The following CCSER1 variants were observed in gnomAD, a reference collection of about 807,000 sequenced individuals.
The protein encoded by CCSER1 is coiled-coil serine rich protein 1, also known as serine-rich coiled-coil domain-containing protein 1.
In CCSER1, 41 loss-of-function variants were observed where a neutral mutation model predicts 82.0. That is an observed-to-expected ratio of 0.50 (90% CI 0.39 to 0.65). The LOEUF (loss-of-function observed/expected upper bound fraction) is 0.65. CCSER1 is among the 30% of genes least tolerant of loss of function. The pLI is 0.00. For missense variants in CCSER1, 1,119 were observed against 1,064.2 expected (o/e 1.05, Z -0.72); for synonymous variants, 414 against 383.9 (o/e 1.08, Z -0.92).
chr4:90,535,956 T>C (rs1267207929), intron 5 of CCSER1, among the ~76,000 whole-genome samples: 1 of 152,052 alleles, frequency 6.6e-6, no homozygotes, highest in Non-Finnish European at 1.5e-5. Context: ...ATGTCTTGAC[T>C]ATAATATGCC....
chr4:90,413,799 A>G (rs1755278102), intron 4 of CCSER1, among the ~76,000 whole-genome samples: 1 of 149,842 alleles, frequency 6.7e-6, no homozygotes, highest in Non-Finnish European at 1.5e-5. Context: ...AAAAAAAAAA[A>G]TTAGCCGCGC....
At chr4:91,191,831 C>A (rs763216829) in intron 10 of CCSER1, among the ~76,000 whole-genome samples, 3 of 152,190 alleles carry the variant, frequency 2.0e-5, no homozygotes, top group Non-Finnish European at 4.4e-5. Context: ...CCAGTCTTTT[C>A]AATTCTGATA....
chr4:90,294,836 C>T (rs1353459340), intron 1 of CCSER1, among the ~76,000 whole-genome samples: 3 of 151,826 alleles, frequency 2.0e-5, no homozygotes, highest in Non-Finnish European at 4.4e-5. Context: ...CTTTGAAGTA[C>T]ATCCTTCAAG....
intron 1 of CCSER1, among the ~76,000 whole-genome samples, chr4:90,276,348 CTT>C (rs1219049059): frequency 4.7e-4 from 43 of 91,478 alleles, no homozygotes; most frequent in African/African-American, 1.9e-3. Flanking sequence ...TTCTTTCTTT[CTT>C]TTTTTTTTTT....
chr4:91,459,162 T>C (rs932402199), intron 10 of CCSER1, among the ~76,000 whole-genome samples: 7 of 152,078 alleles, frequency 4.6e-5, no homozygotes, highest in Non-Finnish European at 1.0e-4. Context: ...AGAAATTCTA[T>C]AGTGAAAAAG....
chr4:90,332,803 C>G (rs1422646689), intron 3 of CCSER1, among the ~76,000 whole-genome samples: 1 of 152,102 alleles, frequency 6.6e-6, no homozygotes, highest in African/African-American at 2.4e-5. Flanking sequence ...TCTCTTACAT[C>G]AGAAAGTAAG....
At chr4:90,935,899 T>G (rs1251994806) in intron 9 of CCSER1, among the ~76,000 whole-genome samples, 2 of 152,192 alleles carry the variant, frequency 1.3e-5, no homozygotes, top group African/African-American at 4.8e-5. Flanking sequence ...CCAGAAAGCT[T>G]GGTATAGTGA....
At chr4:91,229,388 C>T (rs776497822) in intron 10 of CCSER1, among the ~76,000 whole-genome samples, 6 of 150,736 alleles carry the variant, frequency 4.0e-5, no homozygotes, top group Admixed American at 2.7e-4. Context: ...GGGGAATTTG[C>T]GGAGAATTCT....
Position 91,598,875 on chromosome 4 carries a change from A to G in CCSER1, c.2521A>G (p.Thr841Ala), listed in dbSNP as rs534372336. ...AACAGCTAAGACAGAAGGGCTCTCC[A>G]CGTTCTTAGAGAAACCAAAGGACCA... The part of the protein sequence containing the change: ...KPTAKTEGLS[T>A]FLEKPKDQVA... The change falls in exon 11 of 11, where the codon ACG (threonine) becomes GCG (alanine). Residue 841 changes from threonine (T) to alanine (A), a missense_variant. Coordinates refer to ENST00000509176, the MANE Select transcript of CCSER1 (RefSeq NM_001145065.2). 6 of 1,551,638 alleles carry G rather than the reference A, an allele frequency of 3.9e-6. No individual in the cohort carries two copies. The Admixed American group carries it at 9.8e-5, about 25-fold the overall frequency.
At chr4:90,396,646 A>G (rs183146185) in intron 3 of CCSER1, among the ~76,000 whole-genome samples, 142 of 151,908 alleles carry the variant, frequency 9.3e-4, no homozygotes, top group African/African-American at 3.2e-3. Context: ...CTTTTTTTTC[A>G]TGCTCATATT....
At chr4:91,475,386 G>A (rs1051869505) in intron 10 of CCSER1, among the ~76,000 whole-genome samples, 3 of 151,782 alleles carry the variant, frequency 2.0e-5, no homozygotes, top group Non-Finnish European at 3.0e-5. Flanking sequence ...GATATGGTAC[G>A]AAGGCGCACA....
intron 10 of CCSER1, among the ~76,000 whole-genome samples, chr4:91,576,863 A>G (rs1326214069): frequency 3.3e-5 from 5 of 151,958 alleles, no homozygotes; most frequent in Non-Finnish European, 4.4e-5. Flanking sequence ...CTTAACCTAT[A>G]TTTTCAGCAC....
intron 9 of CCSER1, among the ~76,000 whole-genome samples, chr4:91,073,417 C>A (rs1025985599): frequency 3.9e-5 from 6 of 152,098 alleles, no homozygotes; most frequent in Non-Finnish European, 5.9e-5. Context: ...TGAATTAGTG[C>A]AGTTTTTAAG....
chr4:91,425,138 A>C (rs1333510581), intron 10 of CCSER1, among the ~76,000 whole-genome samples: 1 of 152,130 alleles, frequency 6.6e-6, no homozygotes, highest in Admixed American at 6.5e-5. Context: ...AAACACTAAA[A>C]GCGACAGCAT....
intron 10 of CCSER1, among the ~76,000 whole-genome samples, chr4:91,557,737 A>G (rs1388592683): frequency 1.3e-5 from 2 of 151,386 alleles, no homozygotes; most frequent in Non-Finnish European, 3.0e-5. Context: ...GAGTGAAAGT[A>G]ATGTGTTCAA....
chr4:91,570,837 C>G (rs913810475), intron 10 of CCSER1, among the ~76,000 whole-genome samples: 2 of 152,188 alleles, frequency 1.3e-5, no homozygotes, highest in African/African-American at 4.8e-5. Context: ...CAAATTTCTC[C>G]AGGGGTATTG....
At chr4:90,915,940 A>G (rs1450401136) in intron 8 of CCSER1, among the ~76,000 whole-genome samples, 1 of 152,162 alleles carries the variant, frequency 6.6e-6, no homozygotes, top group Non-Finnish European at 1.5e-5. Context: ...TAAAATACCT[A>G]GGAATCCAAC....
At chr4:90,545,802 T>C (rs1202468419) in intron 5 of CCSER1, among the ~76,000 whole-genome samples, 1 of 152,172 alleles carries the variant, frequency 6.6e-6, no homozygotes, top group Non-Finnish European at 1.5e-5. Flanking sequence ...TTCAAACTAT[T>C]TTCCCTAAAA....
chr4:91,393,875 A>C (rs1751810821), intron 10 of CCSER1, among the ~76,000 whole-genome samples: 1 of 152,084 alleles, frequency 6.6e-6, no homozygotes, highest in Non-Finnish European at 1.5e-5. Flanking sequence ...GCTGAGAGAG[A>C]GTCAACTAAA....
Sources: allele counts gnomAD v4.1 joint callset (sites outside exome capture counted in the v4.1 genomes callset), GRCh38; gene constraint gnomAD v4.1.1; transcripts MANE v1.5; gene names NCBI Gene and HGNC (gene_info 2026-07-23, HGNC 2026-07-21).